The following ADCY8 variants were observed in gnomAD, a reference collection of about 807,000 sequenced individuals.
ADCY8 encodes the protein adenylate cyclase 8.
A neutral mutation model predicts 119.7 loss-of-function variants in ADCY8; 51 were observed. The ratio of observed to expected loss-of-function variants is 0.43; its 90% CI spans 0.34 to 0.54. The LOEUF (loss-of-function observed/expected upper bound fraction) is 0.54. Among genes scored for constraint, ADCY8 ranks in the 20% least tolerant of loss-of-function variants. The probability of loss-of-function intolerance (pLI) is 0.03; values close to 1 mark genes in which losing one functional copy is unlikely to be tolerated. For missense variants in ADCY8, 1,383 were observed against 1,598.8 expected (o/e 0.87, Z 2.30); for synonymous variants, 665 against 651.0 (o/e 1.02, Z -0.33).
intron 1 of ADCY8, among the ~76,000 whole-genome samples, chr8:131,003,030 A>G (rs1204311273): frequency 6.6e-6 from 1 of 152,072 alleles, no homozygotes; most frequent in Non-Finnish European, 1.5e-5. Flanking sequence ...GCAAAACCCC[A>G]TCTCTACTAA....
chr8:130,803,837 T>A (rs1277727753), intron 14 of ADCY8, among the ~76,000 whole-genome samples: 1 of 152,220 alleles, frequency 6.6e-6, no homozygotes, highest in Admixed American at 6.5e-5. Context: ...CACTGATTCA[T>A]CATCAATTTC....
intron 5 of ADCY8, among the ~76,000 whole-genome samples, chr8:130,916,367 T>C (rs969603635): frequency 3.3e-5 from 5 of 152,178 alleles, no homozygotes; most frequent in Non-Finnish European, 7.4e-5. Flanking sequence ...GGGACTGCCA[T>C]TGTGGTGGCC....
At chr8:130,831,579 C>A (rs181129878) in intron 12 of ADCY8, among the ~76,000 whole-genome samples, 1 of 152,134 alleles carries the variant, frequency 6.6e-6, no homozygotes, top group South Asian at 2.1e-4. Flanking sequence ...TGAGAAAAGA[C>A]GTGATTTCCC....
Position 130,841,093 on chromosome 8 carries a change from G to C in ADCY8, c.2503-4644C>G, listed in dbSNP as rs977572517. ...TTCATCTTACATTAGATGAACTCCA[G>C]GTAAGATTGGTGGAGGGACCAGCTG... On this transcript the variant is annotated intron_variant, in intron 11 of 17. Transcript: ENST00000286355. 5.8e-4 allele frequency among the ~76,000 whole-genome samples: 88 copies of C among 152,184 alleles called. 1 individual carries two copies. Among genetic ancestry groups the C allele is most frequent in the African/African-American group, 2.1e-3 (85 of 41,448 alleles).
intron 14 of ADCY8, among the ~76,000 whole-genome samples, chr8:130,808,231 T>G (rs984028708): frequency 6.6e-6 from 1 of 152,054 alleles, no homozygotes; most frequent in African/African-American, 2.4e-5. Flanking sequence ...GCCTTTGTTG[T>G]TTTTTCACTG....
At chr8:130,850,614 A>T (rs1817492831) in intron 9 of ADCY8, among the ~76,000 whole-genome samples, 3 of 152,192 alleles carry the variant, frequency 2.0e-5, no homozygotes. Flanking sequence ...TATTTCAGGC[A>T]GCAAACTGAT....
intron 8 of ADCY8, among the ~76,000 whole-genome samples, chr8:130,873,843 G>T (rs13261396): frequency 0.35 from 53,730 of 151,856 alleles, 10,223 homozygotes; most frequent in East Asian, 0.56. Context: ...TTTGATTAAA[G>T]AAAATTTTCT....
intron 15 of ADCY8, among the ~76,000 whole-genome samples, chr8:130,787,942 G>A (rs1815309833): frequency 6.6e-6 from 1 of 152,180 alleles, no homozygotes; most frequent in Non-Finnish European, 1.5e-5. Flanking sequence ...GGGCAGTCAG[G>A]CGGCAGAGAA....
chr8:131,032,214 G>A (rs1824018284), intron 1 of ADCY8, among the ~76,000 whole-genome samples: 2 of 152,044 alleles, frequency 1.3e-5, no homozygotes, highest in South Asian at 2.1e-4. Flanking sequence ...TTTCATATCC[G>A]GCTTATGTCT....
intron 8 of ADCY8, among the ~76,000 whole-genome samples, chr8:130,879,777 A>G (rs933313297): frequency 2.0e-5 from 3 of 152,184 alleles, no homozygotes; most frequent in African/African-American, 7.2e-5. Flanking sequence ...TAATGAGGAA[A>G]AAAGCTCAAG....
chr8:130,949,449 A>AT (rs1273241558), intron 3 of ADCY8: 1 of 151,762 alleles, frequency 6.6e-6, no homozygotes, highest in Non-Finnish European at 1.5e-5. Flanking sequence ...TTAAATATTT[A>AT]TTTTTTCCCC....
rs111628198 is a variant in ADCY8, at chr8:130,797,258, C to T, written c.3060+3168G>A. ...TGCGAATTTTTTTAAAGCCCATCAG[C>T]TATCCTTAGTGTTAGTGTATTTTAT... On this transcript the variant is annotated intron_variant, in intron 15 of 17. Transcript: ENST00000286355. 5.8e-3 allele frequency among the ~76,000 whole-genome samples: 881 copies of T among 152,228 alleles called. 3 individuals are homozygous for T. The highest frequency in any genetic ancestry group is 0.02 in the African/African-American group (844 of 41,534).
At chr8:130,973,986 C>T (rs1446720836) in intron 2 of ADCY8, among the ~76,000 whole-genome samples, 1 of 152,160 alleles carries the variant, frequency 6.6e-6, no homozygotes, top group Admixed American at 6.5e-5. Flanking sequence ...ATGACAGAAC[C>T]AGATTTGAAA....
Position 130,800,073 on chromosome 8 carries a change from C to A in ADCY8, c.3060+353G>T, listed in dbSNP as rs141017279. ...TCTTTGACACTTTGAGAAGATGGAG[C>A]AATGCCTGCTTCAGTGTCCAGCCTC... On this transcript the variant is annotated intron_variant, in intron 15 of 17. Coordinates refer to ENST00000286355, the MANE Select transcript of ADCY8 (RefSeq NM_001115.3). Among the ~76,000 whole-genome samples the A allele has an allele frequency of 1.6e-4, 25 of 152,288 alleles. No individual in the cohort carries two copies. The East Asian group carries it at 4.6e-3, about 28-fold the overall frequency.
At chr8:130,955,975 T>C (rs1449138935) in intron 2 of ADCY8, among the ~76,000 whole-genome samples, 1 of 152,164 alleles carries the variant, frequency 6.6e-6, no homozygotes, top group Non-Finnish European at 1.5e-5. Flanking sequence ...CAAGACCTCA[T>C]TGCTACCAAA....
chr8:130,833,627 T>G (rs898291995), intron 12 of ADCY8, among the ~76,000 whole-genome samples: 5 of 152,182 alleles, frequency 3.3e-5, no homozygotes, highest in Admixed American at 6.5e-5. Flanking sequence ...GATCTGGGAC[T>G]TCCCAGCCTC....
chr8:130,966,662 A>G (rs985045654), intron 2 of ADCY8, among the ~76,000 whole-genome samples: 2 of 152,204 alleles, frequency 1.3e-5, no homozygotes, highest in African/African-American at 4.8e-5. Context: ...AATAATGCAC[A>G]TGATCCTGAA....
At chr8:131,012,281 C>T (rs1823331919) in intron 1 of ADCY8, among the ~76,000 whole-genome samples, 1 of 152,144 alleles carries the variant, frequency 6.6e-6, no homozygotes, top group South Asian at 2.1e-4. Context: ...GCTCAGAGCA[C>T]TCAGAGGTTA....
intron 1 of ADCY8, among the ~76,000 whole-genome samples, chr8:131,032,631 T>C (rs561350178): frequency 6.6e-6 from 1 of 152,268 alleles, no homozygotes; most frequent in South Asian, 2.1e-4. Context: ...AGTTAATTAA[T>C]CTATTCTGCA....
Sources: gnomAD v4.1 joint callset for allele counts (sites outside exome capture counted in the v4.1 genomes callset) on GRCh38, gnomAD v4.1.1 for gene constraint, MANE v1.5 for transcripts, NCBI Gene and HGNC (gene_info 2026-07-23, HGNC 2026-07-21) for gene names.